The following NFATC2 variants were observed in gnomAD, a reference collection of about 807,000 sequenced individuals.
NFATC2 encodes nuclear factor of activated T cells 2, also known as nuclear factor of activated T-cells, cytoplasmic 2.
Under a neutral mutation model 87.3 loss-of-function variants are expected in NFATC2, and 22 were observed. The observed-to-expected ratio is 0.25, with a 90% CI of 0.18 to 0.36. The LOEUF is 0.36. Ranked by LOEUF, NFATC2 falls within the 10% of genes least tolerant of loss-of-function variation. The pLI is 1.00. For synonymous variants in NFATC2, 565 were observed against 542.2 expected (o/e 1.04, Z -0.58); for missense variants, 1,149 against 1,259.1 (o/e 0.91, Z 1.32).
chr20:51,548,532 A>G (rs1468583919), intron 1 of NFATC2, among the ~76,000 whole-genome samples: 2 of 152,218 alleles, frequency 1.3e-5, no homozygotes, highest in Non-Finnish European at 2.9e-5. Flanking sequence ...TTAAATTTGA[A>G]TTTTAGACAA....
At position 51,523,035 on chromosome 20, in the gene NFATC2, C is replaced by T. The variant is rs2076474289; in HGVS notation, c.1160+46G>A. 1 of 1,609,992 alleles carries T rather than the reference C, an allele frequency of 6.2e-7. No individual in the cohort carries two copies. The highest frequency in any genetic ancestry group is 8.5e-7 in the Non-Finnish European group (1 of 1,179,346). ...CATGCTCATAACCAGAAAACCATCT[C>T]TTAAAACTAAACCACAGAATCAATC... On this transcript the variant is annotated intron_variant, in intron 2 of 10. Coordinates refer to ENST00000371564, the MANE Select transcript of NFATC2 (RefSeq NM_012340.5). The surrounding 1 kb of genome is among the most constrained non-coding windows in gnomAD (Gnocchi z 6.9).
chr20:51,399,622 C>T (rs781176251), intron 9 of NFATC2, among the ~76,000 whole-genome samples: 29 of 152,210 alleles, frequency 1.9e-4, no homozygotes, highest in Non-Finnish European at 2.8e-4. Context: ...TGTTGGGCTC[C>T]AACAGGAATT....
At chr20:51,473,914 C>T (rs1988468371) in intron 5 of NFATC2, 66 bp downstream of exon 5, 1 of 1,554,058 alleles carries the variant, frequency 6.4e-7, no homozygotes, top group Admixed American at 1.8e-5. Flanking sequence ...GAATACACTG[C>T]TCCCGGGGGA....
chr20:51,525,495 T>C (rs1431858964), intron 1 of NFATC2, among the ~76,000 whole-genome samples: 2 of 152,060 alleles, frequency 1.3e-5, no homozygotes, highest in African/African-American at 2.4e-5. Context: ...TGGGGCTGCT[T>C]GGGAAATTCC....
chr20:51,481,977 C>T (rs1038177194), intron 3 of NFATC2, among the ~76,000 whole-genome samples: 9 of 152,278 alleles, frequency 5.9e-5, no homozygotes, highest in African/African-American at 9.6e-5. Flanking sequence ...TAGATGAGAA[C>T]GGTGAGGCTC....
chr20:51,456,854 A>G (rs1986588949), intron 5 of NFATC2, among the ~76,000 whole-genome samples: 2 of 152,292 alleles, frequency 1.3e-5, no homozygotes, highest in South Asian at 4.1e-4. Context: ...GGGCCACTCA[A>G]TGGAGCAACG....
intron 10 of NFATC2, among the ~76,000 whole-genome samples, chr20:51,391,747 C>G (rs924870669): frequency 1.3e-5 from 2 of 152,126 alleles, no homozygotes; most frequent in Non-Finnish European, 2.9e-5. Context: ...AACTCCTGAG[C>G]TCAGGCGATC....
intron 5 of NFATC2, among the ~76,000 whole-genome samples, chr20:51,464,485 T>G (rs1987476938): frequency 6.6e-6 from 1 of 152,230 alleles, no homozygotes; most frequent in Non-Finnish European, 1.5e-5. Context: ...TAACCGCCAC[T>G]CTAAACTGCT....
At chr20:51,451,342 G>A (rs926530759) in intron 6 of NFATC2, among the ~76,000 whole-genome samples, 6 of 152,224 alleles carry the variant, frequency 3.9e-5, no homozygotes, top group African/African-American at 1.2e-4. Flanking sequence ...TTTCTAAGCT[G>A]TAGACCAGCA....
chr20:51,429,654 C>T (rs1471633964), intron 9 of NFATC2, among the ~76,000 whole-genome samples: 1 of 152,238 alleles, frequency 6.6e-6, no homozygotes, highest in Non-Finnish European at 1.5e-5. Context: ...CTTTGTGCTA[C>T]ACCCCCGCAT....
At chr20:51,492,019 G>A (rs981525886) in intron 3 of NFATC2, among the ~76,000 whole-genome samples, 3 of 151,592 alleles carry the variant, frequency 2.0e-5, no homozygotes, top group Non-Finnish European at 4.4e-5. Flanking sequence ...GGAGTGCCAT[G>A]AACACCCCTT....
chr20:51,519,744 T>A, intron 2 of NFATC2, among the ~76,000 whole-genome samples: 1 of 80,626 alleles, frequency 1.2e-5, no homozygotes, highest in Non-Finnish European at 2.2e-5. Flanking sequence ...TGAAACCCCA[T>A]CTCTACTAAA....
At chr20:51,499,010 T>C (rs889431810) in intron 3 of NFATC2, among the ~76,000 whole-genome samples, 1 of 151,818 alleles carries the variant, frequency 6.6e-6, no homozygotes. Flanking sequence ...ACAGAGGCCA[T>C]TAGCAGGTGG....
intron 3 of NFATC2, among the ~76,000 whole-genome samples, chr20:51,498,632 C>T (rs565658775): frequency 6.6e-6 from 1 of 152,096 alleles, no homozygotes; most frequent in African/African-American, 2.4e-5. Flanking sequence ...ACTAAAAATA[C>T]AAAAATTAGC....
intron 1 of NFATC2, among the ~76,000 whole-genome samples, chr20:51,561,335 A>AAAAG (rs1555822716): frequency 0.16 from 20,141 of 127,388 alleles, 2,361 homozygotes; most frequent in Middle Eastern, 0.19. Context: ...AAAAAAAAAA[A>AAAAG]AAAGAAAGAA....
At chr20:51,561,484 A>AAAGAAAGCAAGCAAGCAAGC (rs2077029945) in intron 1 of NFATC2, among the ~76,000 whole-genome samples, 4 of 90,054 alleles carry the variant, frequency 4.4e-5, no homozygotes, top group African/African-American at 1.4e-4. Flanking sequence ...AGAAAGAAAG[A>AAAGAAAGCAAGCAAGCAAGC]AAGCAAGCAA....
At chr20:51,555,532 A>G (rs905611231) in intron 1 of NFATC2, among the ~76,000 whole-genome samples, 22 of 152,014 alleles carry the variant, frequency 1.4e-4, no homozygotes, top group South Asian at 4.2e-4. Flanking sequence ...GGCAGAGCTT[A>G]CAGTAAGCTG....
chr20:51,506,122 T>C (rs2076174799), intron 3 of NFATC2, among the ~76,000 whole-genome samples: 1 of 152,190 alleles, frequency 6.6e-6, no homozygotes, highest in African/African-American at 2.4e-5. Flanking sequence ...AGCCTCAGTT[T>C]CCTCAGCTGT....
intron 3 of NFATC2, among the ~76,000 whole-genome samples, chr20:51,484,719 C>T (rs11696441): frequency 0.018 from 2,683 of 152,338 alleles, 33 homozygotes; most frequent in South Asian, 0.04. Flanking sequence ...TTGTCCTGCT[C>T]GGTGTGGGCA....
Sources: allele counts gnomAD v4.1 joint callset (sites outside exome capture counted in the v4.1 genomes callset), GRCh38; gene constraint gnomAD v4.1.1; non-coding constraint Gnocchi (gnomAD v3.1); transcripts MANE v1.5; gene names NCBI Gene and HGNC (gene_info 2026-07-23, HGNC 2026-07-21).